AP4S1: variants seen among roughly 807,000 people sequenced by gnomAD.
AP4S1 encodes the protein adaptor related protein complex 4 subunit sigma 1.
A neutral mutation model predicts 19.8 loss-of-function variants in AP4S1; 23 were observed. The ratio of observed to expected loss-of-function variants is 1.16; its 90% confidence interval spans 0.84 to 1.65. The LOEUF is 1.65. Among genes scored for constraint, AP4S1 ranks in the 40% most tolerant of loss-of-function variants. The pLI is 0.00. For synonymous variants in AP4S1, 46 were observed against 54.1 expected, an observed-to-expected ratio of 0.85 and a Z score of 0.66; for missense variants, 166 against 172.8, an observed-to-expected ratio of 0.96 and a Z score of 0.22.
intron 2 of AP4S1, 79 bp downstream of exon 2, chr14:31,066,413 A>G (rs1886720650): frequency 1.3e-6 from 2 of 1,572,452 alleles, no homozygotes; most frequent in Non-Finnish European, 8.7e-7. Context: ...CTCAGGGGCC[A>G]TCATTTTCTT....
At chr14:31,025,950 A>C in intron 1 of AP4S1, 163 bp downstream of exon 1, 1 of 1,596,602 alleles carries the variant, frequency 6.3e-7, no homozygotes, top group Non-Finnish European at 8.5e-7. Flanking sequence ...CTCCATCTCG[A>C]ACCGAGCCCA....
chr14:31,038,016 A>C (rs1471281994), intron 1 of AP4S1, among the ~76,000 whole-genome samples: 1 of 152,236 alleles, frequency 6.6e-6, no homozygotes, highest in Non-Finnish European at 1.5e-5. Context: ...CTTTATTGTG[A>C]AATTCAAAAT....
At chr14:31,066,087 G>C in intron 1 of AP4S1, 39 bp from the exon 2 acceptor site, 1 of 993,396 alleles carries the variant, frequency 1.0e-6, no homozygotes, top group Admixed American at 2.1e-5. Flanking sequence ...TGAGAAATTT[G>C]ATCTTGCCTT....
chr14:31,060,051 A>T (rs1167670268), intron 1 of AP4S1, among the ~76,000 whole-genome samples: 1 of 134,428 alleles, frequency 7.4e-6, no homozygotes, highest in African/African-American at 2.8e-5. Context: ...ATATATATTT[A>T]TATATTTATG....
chr14:31,077,260 TG>T (rs1367602613), intron 4 of AP4S1, among the ~76,000 whole-genome samples: 2 of 152,204 alleles, frequency 1.3e-5, no homozygotes, highest in African/African-American at 2.4e-5. Flanking sequence ...TTTTTAAAGT[TG>T]TTTTTTTTCA....
At chr14:31,091,316 T>C (rs1489775346) in intron 5 of AP4S1, among the ~76,000 whole-genome samples, 1 of 152,138 alleles carries the variant, frequency 6.6e-6, no homozygotes, top group African/African-American at 2.4e-5. Context: ...CTCCAGGCCA[T>C]TTTTCACGTA....
At position 31,085,911 on chromosome 14, in the gene AP4S1, A is replaced by G. The variant is rs991625402; in HGVS notation, c.306+5327A>G. The stretch of plus-strand genomic sequence containing the variant: ...AAAAACCCTGATTCATGTCCCTTCT[A>G]TTGCAGTTGAGGGTGGGACATAGGA... On this transcript the variant is annotated intron_variant, in intron 5 of 5. Transcript: ENST00000542754. 8 of 874,854 alleles carry G rather than the reference A, an allele frequency of 9.1e-6. No individual in the cohort carries two copies. The Admixed American group carries it at 1.9e-4, about 20-fold the overall frequency. The allele number at this position is 874,854 out of a possible 1,614,324, so 54.2% of individuals were successfully genotyped here. A position where few individuals can be genotyped will look rare whatever the true frequency, so the allele number is the denominator to read the frequency against.
At chr14:31,026,335 A>AG in intron 1 of AP4S1, 1 of 725,678 alleles carries the variant, frequency 1.4e-6, no homozygotes, top group Non-Finnish European at 1.9e-6. Flanking sequence ...CGTGGGTCAG[A>AG]GCAGGGAGCT....
intron 4 of AP4S1, among the ~76,000 whole-genome samples, chr14:31,078,711 T>C (rs1301819460): frequency 6.6e-6 from 1 of 152,184 alleles, no homozygotes; most frequent in East Asian, 1.9e-4. Flanking sequence ...GGTATAATTT[T>C]AGGGAGAGTC....
intron 1 of AP4S1, among the ~76,000 whole-genome samples, chr14:31,036,414 T>C (rs1884778634): frequency 1.3e-5 from 2 of 152,096 alleles, no homozygotes; most frequent in Non-Finnish European, 2.9e-5. Flanking sequence ...ATTTTTTATT[T>C]TCTTGGCAAA....
intron 1 of AP4S1, among the ~76,000 whole-genome samples, chr14:31,054,867 C>CAAAAAAAA (rs1162029946): frequency 4.3e-5 from 2 of 46,398 alleles, no homozygotes; most frequent in African/African-American, 1.1e-4. Context: ...GACTCTGTCT[C>CAAAAAAAA]AAAAAAAAAA....
chr14:31,054,867 CAAAAAAAAAAAAAAAAAAAA>C (rs1162029946), intron 1 of AP4S1, among the ~76,000 whole-genome samples: 14 of 46,398 alleles, frequency 3.0e-4, no homozygotes, highest in Admixed American at 1.1e-3. Flanking sequence ...GACTCTGTCT[CAAAAAAAAAAAAAAAAAAAA>C]AAAAAAAAAC....
chr14:31,031,118 G>A (rs1884365267), intron 1 of AP4S1, among the ~76,000 whole-genome samples: 1 of 152,060 alleles, frequency 6.6e-6, no homozygotes, highest in Non-Finnish European at 1.5e-5. Context: ...AATTTCTCCT[G>A]TCTCTCCTGC....
chr14:31,047,080 C>T (rs982138709), intron 1 of AP4S1, among the ~76,000 whole-genome samples: 2 of 152,192 alleles, frequency 1.3e-5, no homozygotes, highest in South Asian at 2.1e-4. Flanking sequence ...TTTAAAACCA[C>T]GTTTGTATTT....
At chr14:31,049,453 A>T (rs181300546) in intron 1 of AP4S1, among the ~76,000 whole-genome samples, 19 of 57,448 alleles carry the variant, frequency 3.3e-4, no homozygotes, top group East Asian at 2.0e-3. Context: ...ATATATATAT[A>T]TATATATATG....
rs539811162 is a variant in AP4S1 at position 31,073,360 on chromosome 14, G to T, written c.294+387G>T. ...AAAAAATTAGCTGGGCGTGGTGGTG[G>T]GCGCCTGTAGTCCCAGCTACTCCGG... On this transcript the variant is annotated intron_variant, in intron 4 of 5. Transcript: ENST00000542754. 4.9e-3 allele frequency among the ~76,000 whole-genome samples: 652 copies of T among 131,932 alleles called. 29 individuals are homozygous for T. Among genetic ancestry groups the T allele is most frequent in the South Asian group, 0.018 (71 of 4,030 alleles). 86.6% of individuals were successfully genotyped at this position (131,932 alleles called of 152,430 possible). A position where few individuals can be genotyped will look rare whatever the true frequency, so the allele number is the denominator to read the frequency against.
chr14:31,055,400 T>C (rs534422856), intron 1 of AP4S1, among the ~76,000 whole-genome samples: 22 of 152,238 alleles, frequency 1.4e-4, no homozygotes, highest in Admixed American at 5.9e-4. Flanking sequence ...GCACTCGCTG[T>C]GTGCCAACTG....
At chr14:31,031,914 T>TG (rs75563026) in intron 1 of AP4S1, among the ~76,000 whole-genome samples, 1 of 151,794 alleles carries the variant, frequency 6.6e-6, no homozygotes, top group Admixed American at 6.6e-5. Context: ...CTATGCAACA[T>TG]GGGGAGACCC....
In AP4S1 at chr14:31,066,148, G is replaced by A; in HGVS notation, c.-49G>A. ...AAGGTTCCAGTTACAGCCATCCCTTGTCATAACTTTTGAACTGTATTTGGA... is the reference window on the plus strand; with the variant it reads ...AAGGTTCCAGTTACAGCCATCCCTTATCATAACTTTTGAACTGTATTTGGA... On this transcript the variant is annotated 5_prime_UTR_variant, in exon 2 of 6. Transcript: ENST00000542754. The A allele has an allele frequency of 6.3e-7, 1 of 1,598,482 alleles. No homozygotes were observed. Among genetic ancestry groups the A allele is most frequent in the Non-Finnish European group, 8.6e-7 (1 of 1,167,662 alleles).
Sources: allele counts gnomAD v4.1 joint callset (sites outside exome capture counted in the v4.1 genomes callset), GRCh38; gene constraint gnomAD v4.1.1; transcripts MANE v1.5; gene names NCBI Gene and HGNC (gene_info 2026-07-23, HGNC 2026-07-21).